HAUS2: variants seen among roughly 807,000 people sequenced by gnomAD.
HAUS2 encodes HAUS augmin-like complex subunit 2.
A neutral mutation model predicts 21.6 loss-of-function variants in HAUS2; 20 were observed. The ratio of observed to expected loss-of-function variants is 0.93; its 90% CI spans 0.65 to 1.35. The LOEUF is 1.35. Ranked by LOEUF, HAUS2 falls within the 40% of genes most tolerant of loss-of-function variation. HAUS2 has a pLI of 0.00. For missense variants in HAUS2, 297 were observed against 280.7 expected (o/e 1.06, Z -0.42); for synonymous variants, 113 against 95.6 (o/e 1.18, Z -1.06).
chr15:42,551,563 C>T (rs1471247048), intron 1 of HAUS2, among the ~76,000 whole-genome samples: 1 of 152,038 alleles, frequency 6.6e-6, no homozygotes, highest in African/African-American at 2.4e-5. Flanking sequence ...ATCGCTTGAG[C>T]CCTGGAGGTG....
At chr15:42,549,071 G>T in intron 1 of HAUS2, 106 bp downstream of exon 1, 1 of 740,632 alleles carries the variant, frequency 1.4e-6, no homozygotes, top group Non-Finnish European at 2.3e-6. Flanking sequence ...TCCTGGTTGG[G>T]GTCTGTACTA....
chr15:42,551,797 G>T (rs2057728590), intron 1 of HAUS2, among the ~76,000 whole-genome samples: 1 of 152,062 alleles, frequency 6.6e-6, no homozygotes, highest in Non-Finnish European at 1.5e-5. Context: ...TGTCTTGGGG[G>T]TGTCTACTGT....
Position 42,563,803 on chromosome 15 carries a change from C to T in HAUS2, c.444C>T (p.Thr148=), listed in dbSNP as rs780252338. ...TGACTTTCATTGAGAGATTAGAAAC[C>T]CACCTTGAAACAATTAGAAATATTC... The part of the protein sequence containing the change: ...LAVTFIERLE[T]HLETIRNIPH... Residue 148 remains threonine (T), a synonymous_variant, in exon 5 of 6, where the codon ACC becomes ACT. Transcript: ENST00000260372. The T allele has an allele frequency of 1.3e-6, 2 of 1,583,554 alleles. No individual in the cohort carries two copies. The highest frequency in any genetic ancestry group is 1.7e-5 in the Admixed American group (1 of 58,458).
chr15:42,557,244 A>G (rs2057787990), intron 1 of HAUS2, among the ~76,000 whole-genome samples: 1 of 139,708 alleles, frequency 7.2e-6, no homozygotes, highest in Non-Finnish European at 1.5e-5. Flanking sequence ...TGAACCCAGG[A>G]GGCAGAGCTT....
Position 42,548,951 on chromosome 15 carries a change from G to A in HAUS2, c.79G>A (p.Gly27Arg). Residue 27 changes from glycine (G) to arginine (R), a missense_variant, in exon 1 of 6, where the codon GGG becomes AGG. Gly to Arg is a moderately radical substitution (Grantham distance 125). Coordinates refer to ENST00000260372, the MANE Select transcript of HAUS2 (RefSeq NM_018097.3). ...GLVLGHFIAS[G>R]MVNQEMLNMS... Reference sequence around the variant, plus strand: ...AGTGCTAGGCCACTTCATAGCTTCGGGGATGGTCAATCAGGTACGTGGGGG... The same window carrying A: ...AGTGCTAGGCCACTTCATAGCTTCGAGGATGGTCAATCAGGTACGTGGGGG... 1 of 1,550,380 alleles carries A rather than the reference G, an allele frequency of 6.5e-7. No homozygotes were observed.
Position 42,569,757 on chromosome 15 carries a change from A to T in HAUS2, c.*2941A>T, listed in dbSNP as rs1180385408. ...AATTTTTGCTAGTAGGATAAGAGTG[A>T]TCGTAATATCTCGAACATTACATAG... is the stretch of plus-strand genomic sequence containing the variant. On this transcript the variant is annotated 3_prime_UTR_variant, in exon 6 of 6. Transcript: ENST00000260372. 1 of 152,202 alleles carries T rather than the reference A, an allele frequency of 6.6e-6. No individual in the cohort carries two copies. Among genetic ancestry groups the T allele is most frequent in the Non-Finnish European group, 1.5e-5 (1 of 68,044 alleles). The allele number at this position is 152,202 out of a possible 1,614,324, so 9.4% of individuals were successfully genotyped here.
intron 3 of HAUS2, chr15:42,560,884 C>T (rs1237780918): frequency 2.9e-6 from 2 of 701,016 alleles, no homozygotes; most frequent in African/African-American, 3.5e-5. Context: ...TGAGCTAGAG[C>T]ACCAGCTAAG....
intron 1 of HAUS2, among the ~76,000 whole-genome samples, chr15:42,550,555 T>G (rs1326130597): frequency 5.3e-5 from 8 of 152,156 alleles, no homozygotes; most frequent in Admixed American, 4.6e-4. Flanking sequence ...ATTTTAAGCT[T>G]TTGTTGAACA....
rs1187742752 is a variant in HAUS2 at position 42,568,692 on chromosome 15, G to GC, written c.*1881dup. 2 of 152,142 alleles carry GC rather than the reference G, an allele frequency of 1.3e-5. No individual in the cohort carries two copies. The highest frequency in any genetic ancestry group is 4.8e-5 in the African/African-American group (2 of 41,428). The allele number at this position is 152,142 out of a possible 1,614,324, so 9.4% of individuals were successfully genotyped here. On this transcript the variant is annotated 3_prime_UTR_variant, in exon 6 of 6. Coordinates refer to ENST00000260372, the MANE Select transcript of HAUS2 (RefSeq NM_018097.3). ...TAGGTAGAAGGTACCTACGTGACCA[G>GC]CCCCCAGTAAAAACCCTGGGCACTG...
intron 4 of HAUS2, chr15:42,561,683 G>T: frequency 3.4e-6 from 1 of 292,800 alleles, no homozygotes; most frequent in Non-Finnish European, 6.5e-6. Context: ...GTTTGTATGT[G>T]AAGTAAATTC....
At chr15:42,560,901 C>G in intron 3 of HAUS2, 1 of 697,184 alleles carries the variant, frequency 1.4e-6, no homozygotes, top group Non-Finnish European at 2.6e-6. Flanking sequence ...TAAGGTGACT[C>G]TTTTTCGATG....
chr15:42,560,729 C>T (rs1266734939), intron 3 of HAUS2: 1 of 684,038 alleles, frequency 1.5e-6, no homozygotes, highest in Admixed American at 2.0e-5. Flanking sequence ...GCTAGGACTA[C>T]TGGCATGTGC....
In HAUS2 at chr15:42,566,706, T is replaced by G; in HGVS notation, c.598T>G (p.Cys200Gly). 1 of 1,580,988 alleles carries G rather than the reference T, an allele frequency of 6.3e-7. No individual in the cohort carries two copies. Among genetic ancestry groups the G allele is most frequent in the Non-Finnish European group, 8.7e-7 (1 of 1,149,984 alleles). Reference protein sequence around the residue: ...WRKQQNEVSSCIPKILAEESY... With the variant: ...WRKQQNEVSSGIPKILAEESY... Reference sequence around the variant, plus strand: ...TAAACAACAAAACGAAGTTTCGTCTTGTATCCCCAAAATATTAGCTGAAGA... The same window carrying G: ...TAAACAACAAAACGAAGTTTCGTCTGGTATCCCCAAAATATTAGCTGAAGA... Residue 200 changes from cysteine (C) to glycine (G), a missense_variant, in exon 6 of 6, where the codon TGT (cysteine) becomes GGT (glycine). Transcript: ENST00000260372.
In HAUS2 at chr15:42,568,298, A is replaced by T. The variant is rs991690284; in HGVS notation, c.*1482A>T. 6.6e-6 allele frequency: 1 copy of T among 152,254 alleles called. No homozygotes were observed. Among genetic ancestry groups the T allele is most frequent in the Non-Finnish European group, 1.5e-5 (1 of 68,062 alleles). The allele number at this position is 152,254 out of a possible 1,614,324, so 9.4% of individuals were successfully genotyped here. A position where few individuals can be genotyped will look rare whatever the true frequency, so the allele number is the denominator to read the frequency against. ...AAGTTTATTTGGTTGACAGGTGTGG[A>T]GGCTAGGCAGTCCAAGAACATGGTG... On this transcript the variant is annotated 3_prime_UTR_variant, in exon 6 of 6. Coordinates refer to ENST00000260372, the MANE Select transcript of HAUS2 (RefSeq NM_018097.3).
At chr15:42,558,798 A>G (rs2057817297) in intron 2 of HAUS2, among the ~76,000 whole-genome samples, 1 of 151,996 alleles carries the variant, frequency 6.6e-6, no homozygotes, top group Non-Finnish European at 1.5e-5. Context: ...TCTCTACAAA[A>G]AATTTTAAAA....
intron 1 of HAUS2, among the ~76,000 whole-genome samples, chr15:42,550,367 A>G (rs2057712050): frequency 6.6e-6 from 1 of 151,928 alleles, no homozygotes; most frequent in Non-Finnish European, 1.5e-5. Flanking sequence ...AAGAGCCATT[A>G]GAGACTCTAA....
chr15:42,560,659 C>A, intron 3 of HAUS2: 2 of 558,546 alleles, frequency 3.6e-6, no homozygotes, highest in South Asian at 2.1e-5. Context: ...CTCTGTAACC[C>A]AGGCTGAAGT....
chr15:42,562,378 T>G (rs1320180284), intron 4 of HAUS2, among the ~76,000 whole-genome samples: 1 of 152,178 alleles, frequency 6.6e-6, no homozygotes, highest in Non-Finnish European at 1.5e-5. Flanking sequence ...GCTGATCACT[T>G]GAGGCCAGGA....
intron 1 of HAUS2, among the ~76,000 whole-genome samples, 186 bp from the exon 2 acceptor site, chr15:42,558,012 T>G (rs1468498452): frequency 6.6e-6 from 1 of 152,072 alleles, no homozygotes; most frequent in African/African-American, 2.4e-5. Flanking sequence ...TTTGAGCAAG[T>G]GATTTGTGAT....
Sources: gnomAD v4.1 joint callset for allele counts (sites outside exome capture counted in the v4.1 genomes callset) on GRCh38, gnomAD v4.1.1 for gene constraint, MANE v1.5 for transcripts, NCBI Gene and HGNC (gene_info 2026-07-23, HGNC 2026-07-21) for gene names.